Variants in PPP1R12A observed in about 807,000 individuals in gnomAD.
The protein encoded by PPP1R12A is protein phosphatase 1 regulatory subunit 12A.
Under a neutral mutation model 139.6 loss-of-function variants are expected in PPP1R12A, and 19 were observed. The observed-to-expected ratio is 0.14, with a 90% CI of 0.09 to 0.20. The LOEUF is 0.20. Ranked by LOEUF, PPP1R12A falls within the 10% of genes least tolerant of loss-of-function variation. The probability of loss-of-function intolerance (pLI) is 1.00; values close to 1 mark genes in which losing one functional copy is unlikely to be tolerated. For missense variants in PPP1R12A, 925 were observed against 1,211.5 expected (o/e 0.76, Z 3.51); for synonymous variants, 427 against 420.6 (o/e 1.02, Z -0.19).
At chr12:79,914,910 C>A (rs557418376) in intron 1 of PPP1R12A, among the ~76,000 whole-genome samples, 1 of 151,776 alleles carries the variant, frequency 6.6e-6, no homozygotes, top group Non-Finnish European at 1.5e-5. Context: ...ACTTAGAGAA[C>A]TTCTTGAGTT....
rs1017827564 is a variant in PPP1R12A at position 79,829,455 on chromosome 12, C to T, written c.648-991G>A. 3.3e-5 allele frequency among the ~76,000 whole-genome samples: 5 copies of T among 152,050 alleles called. No individual in the cohort carries two copies. In the East Asian group the frequency reaches 5.8e-4, roughly 18 times the overall value. ...GCTGTTTCTAATCCTGCCTCCGTAA[C>T]GGAACCATCTGAAGGGCTTGTTTTT... On this transcript the variant is annotated intron_variant, in intron 4 of 24. Transcript: ENST00000450142.
intron 22 of PPP1R12A, among the ~76,000 whole-genome samples, chr12:79,783,840 T>G (rs1349093708): frequency 6.6e-6 from 1 of 152,218 alleles, no homozygotes; most frequent in Admixed American, 6.5e-5. Flanking sequence ...TTAGTTAACT[T>G]TCTTGTTAAA....
At chr12:79,839,778 G>A (rs1204185594) in intron 3 of PPP1R12A, among the ~76,000 whole-genome samples, 3 of 152,280 alleles carry the variant, frequency 2.0e-5, no homozygotes, top group East Asian at 1.9e-4. Flanking sequence ...CTGCATGACT[G>A]TAAGTTTCCT....
intron 4 of PPP1R12A, among the ~76,000 whole-genome samples, 171 bp downstream of exon 4, chr12:79,832,161 A>G (rs868307701): frequency 5.9e-5 from 9 of 152,234 alleles, no homozygotes; most frequent in Admixed American, 3.9e-4. Flanking sequence ...AAAGAATTTT[A>G]GAACAAAAGC....
At chr12:79,794,589 C>A (rs1872278063) in intron 18 of PPP1R12A, among the ~76,000 whole-genome samples, 2 of 149,148 alleles carry the variant, frequency 1.3e-5, no homozygotes, top group South Asian at 2.1e-4. Context: ...TTAAAAAAAA[C>A]ACAAATAAAT....
chr12:79,847,099 C>G (rs955350250), intron 2 of PPP1R12A, among the ~76,000 whole-genome samples: 1 of 152,068 alleles, frequency 6.6e-6, no homozygotes, highest in Non-Finnish European at 1.5e-5. Flanking sequence ...CTATTATGTT[C>G]CCTCCCCCAG....
At chr12:79,928,911 G>A (rs1162938702) in intron 1 of PPP1R12A, among the ~76,000 whole-genome samples, 1 of 152,180 alleles carries the variant, frequency 6.6e-6, no homozygotes, top group Non-Finnish European at 1.5e-5. Flanking sequence ...AAACCTATCT[G>A]TAAGTCTGTC....
At chr12:79,784,806 T>C (rs1870906783) in intron 22 of PPP1R12A, among the ~76,000 whole-genome samples, 1 of 152,008 alleles carries the variant, frequency 6.6e-6, no homozygotes. Flanking sequence ...CCAGCTATTT[T>C]TTCTGTATTT....
intron 5 of PPP1R12A, 197 bp downstream of exon 5, chr12:79,828,123 A>T: frequency 5.1e-6 from 2 of 391,780 alleles, no homozygotes; most frequent in Non-Finnish European, 8.7e-6. Context: ...CAAGGCCAGA[A>T]CCACCTCATA....
chr12:79,803,832 T>C (rs1368667071), intron 14 of PPP1R12A, among the ~76,000 whole-genome samples: 1 of 152,096 alleles, frequency 6.6e-6, no homozygotes, highest in Non-Finnish European at 1.5e-5. Context: ...TAATTTTCAA[T>C]CTTCAATGTC....
intron 3 of PPP1R12A, among the ~76,000 whole-genome samples, chr12:79,844,723 G>A (rs1029125978): frequency 6.6e-6 from 1 of 152,120 alleles, no homozygotes; most frequent in Non-Finnish European, 1.5e-5. Flanking sequence ...CAGGTTAAAA[G>A]CCAAAGTCTT....
At chr12:79,779,753 A>T (rs1870194046) in intron 23 of PPP1R12A, 1 of 180,270 alleles carries the variant, frequency 5.5e-6, no homozygotes, top group Non-Finnish European at 1.2e-5. Context: ...TAATCTCCCT[A>T]TGAGCCTCAA....
chr12:79,846,942 A>G (rs1879486362), intron 2 of PPP1R12A, among the ~76,000 whole-genome samples: 1 of 152,116 alleles, frequency 6.6e-6, no homozygotes, highest in African/African-American at 2.4e-5. Context: ...TTTTCCATAT[A>G]TAAAGAATGG....
chr12:79,842,394 C>T (rs535803445), intron 3 of PPP1R12A, among the ~76,000 whole-genome samples: 23 of 152,254 alleles, frequency 1.5e-4, no homozygotes, highest in African/African-American at 5.5e-4. Flanking sequence ...ATTTATTTAC[C>T]TTCTATTCCT....
intron 15 of PPP1R12A, among the ~76,000 whole-genome samples, chr12:79,798,070 C>T (rs1025919309): frequency 9.2e-5 from 14 of 152,064 alleles, no homozygotes; most frequent in African/African-American, 3.4e-4. Flanking sequence ...ACCTAATATA[C>T]GAGCCTATTC....
chr12:79,803,911 C>G (rs2137051172), intron 14 of PPP1R12A, among the ~76,000 whole-genome samples: 1 of 152,194 alleles, frequency 6.6e-6, no homozygotes, highest in South Asian at 2.1e-4. Flanking sequence ...AATAAACAAT[C>G]TGTGGGTTAA....
chr12:79,811,485 GAC>G (rs761100007), intron 9 of PPP1R12A, among the ~76,000 whole-genome samples: 3 of 152,164 alleles, frequency 2.0e-5, no homozygotes, highest in Non-Finnish European at 2.9e-5. Flanking sequence ...TACTTAATGA[GAC>G]AAACAGGCAA....
At chr12:79,872,210 A>G (rs1228158419) in intron 2 of PPP1R12A, among the ~76,000 whole-genome samples, 1 of 152,176 alleles carries the variant, frequency 6.6e-6, no homozygotes, top group East Asian at 1.9e-4. Flanking sequence ...ATAGATAGTA[A>G]TAAGAAAAAT....
chr12:79,928,390 G>A (rs1347576793), intron 1 of PPP1R12A, among the ~76,000 whole-genome samples: 1 of 152,192 alleles, frequency 6.6e-6, no homozygotes, highest in Non-Finnish European at 1.5e-5. Flanking sequence ...TATATGGCTA[G>A]GGTTGCCCAC....
Sources: gnomAD v4.1 joint callset for allele counts (sites outside exome capture counted in the v4.1 genomes callset) on GRCh38, gnomAD v4.1.1 for gene constraint, MANE v1.5 for transcripts, NCBI Gene and HGNC (gene_info 2026-07-23, HGNC 2026-07-21) for gene names.